Variants in CRYBG3 observed in about 807,000 individuals in gnomAD.
CRYBG3 encodes the protein crystallin beta-gamma domain containing 3, also known as very large A-kinase anchor protein.
In CRYBG3, 127 loss-of-function variants were observed where a neutral mutation model predicts 244.2. The ratio of observed to expected loss-of-function variants is 0.52; its 90% confidence interval spans 0.45 to 0.60. The LOEUF is 0.60. Among genes scored for constraint, CRYBG3 ranks in the 20% least tolerant of loss-of-function variants. The pLI is 0.00. For missense variants in CRYBG3, 3,325 were observed against 3,442.5 expected (o/e 0.97, Z 0.85); for synonymous variants, 1,132 against 1,195.8 (o/e 0.95, Z 1.10).
At chr3:97,887,984 G>A (rs1397930091) in intron 8 of CRYBG3, among the ~76,000 whole-genome samples, 1 of 152,022 alleles carries the variant, frequency 6.6e-6, no homozygotes, top group Admixed American at 6.6e-5. Context: ...GATTGTTCCA[G>A]TTTAAAAAAG....
chr3:97,899,000 A>G lies in CRYBG3; in HGVS notation c.7819A>G (p.Arg2607Gly), dbSNP rs893229945. Residue 2607 changes from arginine to glycine, a missense_variant, in exon 13 of 22, where the codon AGA (arginine) becomes GGA (glycine). By Grantham distance (125) the Arg-to-Gly change is moderately radical. Around this residue, in one of 4 missense-constraint regions of CRYBG3, gnomAD observed 714 missense variants for 803.6 expected, o/e 0.89. Coordinates refer to ENST00000389622, the MANE Select transcript of CRYBG3 (RefSeq NM_153605.4). ...AGAAATTGGCTTTGGCAGTAAAACA[A>G]GATCCATTCATGTTAAAAGTGGAGT... Reference protein sequence around the residue: ...LEEIGFGSKTRSIHVKSGVWV... With the variant: ...LEEIGFGSKTGSIHVKSGVWV... 1 of 1,612,466 alleles carries G rather than the reference A, an allele frequency of 6.2e-7. No homozygotes were observed. The highest frequency in any genetic ancestry group is 1.3e-5 in the African/African-American group (1 of 74,966).
In CRYBG3 at chr3:97,944,360, T is replaced by G. The variant is rs143771346; in HGVS notation, c.*1046T>G. ...TTTACTGCACAATTCACAAGCATGT[T>G]TTCCTGGTGAATTGGACTGAAAATT... On this transcript the variant is annotated 3_prime_UTR_variant, in exon 22 of 22. Coordinates refer to ENST00000389622, the MANE Select transcript of CRYBG3 (RefSeq NM_153605.4). 326 of 152,440 alleles carry G rather than the reference T, an allele frequency of 2.1e-3. 1 individual carries two copies. The highest frequency in any genetic ancestry group is 7.3e-3 in the African/African-American group (304 of 41,538). 9.4% of individuals were successfully genotyped at this position (152,440 alleles called of 1,614,324 possible). A position where few individuals can be genotyped will look rare whatever the true frequency, so the allele number is the denominator to read the frequency against.
intron 17 of CRYBG3, among the ~76,000 whole-genome samples, chr3:97,923,759 G>A (rs2040009901): frequency 6.6e-6 from 1 of 151,924 alleles, no homozygotes; most frequent in Non-Finnish European, 1.5e-5. Context: ...TCTAACACAA[G>A]GGAATAAGTT....
At chr3:97,909,003 A>T (rs967913485) in intron 15 of CRYBG3, among the ~76,000 whole-genome samples, 4 of 151,928 alleles carry the variant, frequency 2.6e-5, no homozygotes, top group African/African-American at 9.7e-5. Context: ...TCCTTCACTT[A>T]TGAAGCTTAG....
rs1466885983 is a variant in CRYBG3, at chr3:97,943,479, A to G, written c.*165A>G. ...TGAGACTATCGCTCTTAACCATGGA[A>G]AAGCTCAAAATATTCTTGCCATTAC... On this transcript the variant is annotated 3_prime_UTR_variant, in exon 22 of 22. Coordinates refer to ENST00000389622, the MANE Select transcript of CRYBG3 (RefSeq NM_153605.4). The G allele has an allele frequency of 1.7e-6, 1 of 576,542 alleles. No individual in the cohort carries two copies. Among genetic ancestry groups the G allele is most frequent in the Non-Finnish European group, 3.0e-6 (1 of 332,028 alleles). The allele number at this position is 576,542 out of a possible 1,614,324, so 35.7% of individuals were successfully genotyped here.
At chr3:97,916,248 G>T (rs945196592) in intron 17 of CRYBG3, among the ~76,000 whole-genome samples, 1 of 152,142 alleles carries the variant, frequency 6.6e-6, no homozygotes, top group Non-Finnish European at 1.5e-5. Flanking sequence ...TCACATGACA[G>T]TTTGTCTGCT....
chr3:97,923,342 A>G (rs1156400934), intron 17 of CRYBG3, among the ~76,000 whole-genome samples: 2 of 152,126 alleles, frequency 1.3e-5, no homozygotes, highest in East Asian at 3.9e-4. Flanking sequence ...TATAATAATA[A>G]TAAAAAAAAG....
intron 2 of CRYBG3, among the ~76,000 whole-genome samples, chr3:97,862,779 TCTG>T (rs2039169660): frequency 2.4e-4 from 1 of 4,194 alleles, no homozygotes; most frequent in Non-Finnish European, 3.7e-4. Flanking sequence ...GTCTCTAGAA[TCTG>T]GCTGGTGACA....
chr3:97,832,413 C>T (rs2038666623), intron 1 of CRYBG3, among the ~76,000 whole-genome samples: 1 of 151,936 alleles, frequency 6.6e-6, no homozygotes, highest in African/African-American at 2.4e-5. Flanking sequence ...TAAATAATGC[C>T]ACACATCTAC....
At chr3:97,915,351 G>A (rs1448692760) in intron 16 of CRYBG3, among the ~76,000 whole-genome samples, 1 of 152,072 alleles carries the variant, frequency 6.6e-6, no homozygotes, top group African/African-American at 2.4e-5. Flanking sequence ...TAAAAATGAG[G>A]ATGTTCCTAA....
chr3:97,835,891 A>T (rs958826949), intron 1 of CRYBG3, among the ~76,000 whole-genome samples: 1 of 152,244 alleles, frequency 6.6e-6, no homozygotes, highest in East Asian at 1.9e-4. Context: ...GATTCAGGGT[A>T]TTGAATCTTG....
chr3:97,928,625 T>C (rs1318723681), intron 17 of CRYBG3, among the ~76,000 whole-genome samples: 1 of 152,022 alleles, frequency 6.6e-6, no homozygotes, highest in Non-Finnish European at 1.5e-5. Context: ...ATTTTGGGAT[T>C]TAAAGTTTTT....
Position 97,943,627 on chromosome 3 carries a change from G to C in CRYBG3, c.*313G>C, listed in dbSNP as rs1003925747. The C allele has an allele frequency of 2.7e-5, 8 of 292,248 alleles. No homozygotes were observed. The highest frequency in any genetic ancestry group is 6.9e-5 in the African/African-American group (3 of 43,758). 18.1% of individuals were successfully genotyped at this position (292,248 alleles called of 1,614,324 possible). On this transcript the variant is annotated 3_prime_UTR_variant, in exon 22 of 22. Transcript: ENST00000389622. The stretch of plus-strand genomic sequence containing the variant: ...CTCATATCCACCAAACGTGAATCCT[G>C]TTCCTGATGGCCCGTTATTGGACAC...
rs1270304641 is a variant in CRYBG3, at chr3:97,874,006, A to C, written c.2812A>C (p.Ser938Arg). 3 of 1,534,348 alleles carry C rather than the reference A, an allele frequency of 2.0e-6. No homozygotes were observed. Among genetic ancestry groups the C allele is most frequent in the Non-Finnish European group, 2.6e-6 (3 of 1,146,522 alleles). Residue 938 changes from serine (S) to arginine (R), a missense_variant, in exon 4 of 22, where the codon AGT (serine) becomes CGT (arginine). Transcript: ENST00000389622. Reference sequence around the variant, plus strand: ...AGGCTCTCCTCCTGCTCTTCTTAAAAGTAATATATCTTGGATTTTACCACC... The same window carrying C: ...AGGCTCTCCTCCTGCTCTTCTTAAACGTAATATATCTTGGATTTTACCACC... ...ALGSPPALLK[S>R]NISWILPPIH... is the part of the protein sequence containing the mutation.
At chr3:97,921,705 A>C (rs2039986619) in intron 17 of CRYBG3, among the ~76,000 whole-genome samples, 1 of 152,222 alleles carries the variant, frequency 6.6e-6, no homozygotes, top group Admixed American at 6.5e-5. Context: ...AAAGAATAAT[A>C]GCATATATAG....
At chr3:97,830,167 C>T (rs570644170) in intron 1 of CRYBG3, among the ~76,000 whole-genome samples, 1 of 152,250 alleles carries the variant, frequency 6.6e-6, no homozygotes, top group South Asian at 2.1e-4. Context: ...AAGTGCTGTA[C>T]TATGGTTACT....
chr3:97,942,382 A>T lies in CRYBG3; in HGVS notation c.8763A>T (p.Arg2921Ser), dbSNP rs751947738. 1.2e-6 allele frequency: 2 copies of T among 1,611,876 alleles called. No individual in the cohort carries two copies. Among genetic ancestry groups the T allele is most frequent in the South Asian group, 2.2e-5 (2 of 90,934 alleles). The change falls in exon 21 of 22, where the codon AGA (arginine) becomes AGT (serine). Residue 2921 changes from arginine (R) to serine (S), a missense_variant. By Grantham distance (110) the Arg-to-Ser change is moderately radical. Transcript: ENST00000389622. ...TEHGQFRQKW[R>S]LNKNGTISSY... Reference sequence around the variant, plus strand: ...ATGGGCAATTCAGGCAGAAGTGGAGACTGAATAAAAATGGAACTATCAGCT... The same window carrying T: ...ATGGGCAATTCAGGCAGAAGTGGAGTCTGAATAAAAATGGAACTATCAGCT...
intron 1 of CRYBG3, among the ~76,000 whole-genome samples, chr3:97,826,073 C>CT (rs1164476437): frequency 2.0e-5 from 3 of 152,126 alleles, no homozygotes; most frequent in Non-Finnish European, 4.4e-5. Flanking sequence ...TTCCAGAAGT[C>CT]TTTAGGGGTG....
At chr3:97,888,629 A>G (rs1232906828) in intron 9 of CRYBG3, among the ~76,000 whole-genome samples, 174 bp downstream of exon 9, 1 of 152,206 alleles carries the variant, frequency 6.6e-6, no homozygotes, top group Admixed American at 6.5e-5. Context: ...TTTTGTTACA[A>G]ACATTTACTT....
Sources: allele counts gnomAD v4.1 joint callset (sites outside exome capture counted in the v4.1 genomes callset), GRCh38; gene constraint gnomAD v4.1.1; regional missense constraint gnomAD v4.1.1; transcripts MANE v1.5; gene names NCBI Gene and HGNC (gene_info 2026-07-23, HGNC 2026-07-21).